RSRC1: variants seen among roughly 807,000 people sequenced by gnomAD.
RSRC1 encodes the protein serine/Arginine-related protein 53.
A neutral mutation model predicts 49.1 loss-of-function variants in RSRC1; 39 were observed. That is an observed-to-expected ratio of 0.79 (90% CI 0.61 to 1.04). The LOEUF is 1.04. Ranked by LOEUF, RSRC1 falls within the 50% of genes least tolerant of loss-of-function variation. RSRC1 has a pLI of 0.00. For synonymous variants in RSRC1, 143 were observed against 130.8 expected (o/e 1.09, Z -0.63); for missense variants, 388 against 402.4 (o/e 0.96, Z 0.31).
chr3:158,490,575 A>G (rs977269336), intron 7 of RSRC1, among the ~76,000 whole-genome samples: 1 of 152,300 alleles, frequency 6.6e-6, no homozygotes, highest in African/African-American at 2.4e-5. Flanking sequence ...TAGTAGTTAA[A>G]TTTTTAAAAG....
At chr3:158,515,798 C>T (rs1472601921) in intron 7 of RSRC1, among the ~76,000 whole-genome samples, 1 of 152,010 alleles carries the variant, frequency 6.6e-6, no homozygotes, top group Non-Finnish European at 1.5e-5. Flanking sequence ...TTGCTCGTTT[C>T]TTTTTATTCT....
intron 6 of RSRC1, among the ~76,000 whole-genome samples, chr3:158,389,826 A>T (rs1733169272): frequency 6.6e-6 from 1 of 152,202 alleles, no homozygotes; most frequent in South Asian, 2.1e-4. Flanking sequence ...GCAGTGCAGG[A>T]TATCTAGAAT....
At chr3:158,412,710 G>A (rs564211576) in intron 6 of RSRC1, among the ~76,000 whole-genome samples, 1 of 152,162 alleles carries the variant, frequency 6.6e-6, no homozygotes, top group Admixed American at 6.6e-5. Flanking sequence ...ACCCTGTCAT[G>A]GAGAGGCAGA....
chr3:158,382,441 C>T (rs1017430867), intron 6 of RSRC1, among the ~76,000 whole-genome samples: 1 of 152,160 alleles, frequency 6.6e-6, no homozygotes, highest in African/African-American at 2.4e-5. Flanking sequence ...GGTTTGTTTA[C>T]ACCAATATCA....
At chr3:158,378,383 G>A in intron 6 of RSRC1, among the ~76,000 whole-genome samples, 1 of 152,108 alleles carries the variant, frequency 6.6e-6, no homozygotes, top group East Asian at 1.9e-4. Context: ...ACTGGGTCCA[G>A]TTTTCCTTGT....
chr3:158,133,266 A>C (rs1473360721), intron 3 of RSRC1, among the ~76,000 whole-genome samples: 1 of 152,132 alleles, frequency 6.6e-6, no homozygotes, highest in East Asian at 1.9e-4. Context: ...TTCTATTTTT[A>C]TTTTATTCTT....
At chr3:158,521,067 A>G (rs1050695723) in intron 7 of RSRC1, among the ~76,000 whole-genome samples, 2 of 152,200 alleles carry the variant, frequency 1.3e-5, no homozygotes, top group African/African-American at 4.8e-5. Flanking sequence ...ATTTTGAGAC[A>G]TAACAGAATG....
intron 3 of RSRC1, among the ~76,000 whole-genome samples, chr3:158,148,127 G>A (rs962482789): frequency 6.6e-6 from 1 of 152,076 alleles, no homozygotes; most frequent in African/African-American, 2.4e-5. Context: ...TATTATCTGG[G>A]ATTATAAACC....
intron 6 of RSRC1, among the ~76,000 whole-genome samples, chr3:158,404,946 G>A (rs1371738139): frequency 6.6e-6 from 1 of 151,860 alleles, no homozygotes; most frequent in South Asian, 2.1e-4. Flanking sequence ...TTTTCAAGGA[G>A]TAAAGTCATT....
intron 6 of RSRC1, among the ~76,000 whole-genome samples, chr3:158,363,795 C>G (rs1731611950): frequency 1.3e-5 from 2 of 152,126 alleles, no homozygotes; most frequent in South Asian, 4.1e-4. Context: ...TTTTCCTTGA[C>G]TATGTAGAGT....
At chr3:158,382,390 C>G (rs183329437) in intron 6 of RSRC1, among the ~76,000 whole-genome samples, 17 of 152,246 alleles carry the variant, frequency 1.1e-4, no homozygotes, top group African/African-American at 3.9e-4. Context: ...GTAACACAGT[C>G]ATTTATTATG....
intron 4 of RSRC1, among the ~76,000 whole-genome samples, chr3:158,228,624 C>T (rs1275082442): frequency 2.0e-5 from 3 of 151,802 alleles, no homozygotes; most frequent in Non-Finnish European, 4.4e-5. Flanking sequence ...ATCAAACTAT[C>T]ATTAGATGAA....
At chr3:158,239,909 GT>G (rs1457511498) in intron 4 of RSRC1, among the ~76,000 whole-genome samples, 1 of 152,100 alleles carries the variant, frequency 6.6e-6, no homozygotes, top group Non-Finnish European at 1.5e-5. Flanking sequence ...CCATTTGAAT[GT>G]TTAGTGCTTG....
At chr3:158,410,055 T>G (rs1204391476) in intron 6 of RSRC1, among the ~76,000 whole-genome samples, 1 of 152,152 alleles carries the variant, frequency 6.6e-6, no homozygotes, top group African/African-American at 2.4e-5. Context: ...GTCTCATACA[T>G]TCAAACAAAA....
At chr3:158,345,607 CA>C (rs1730508496) in intron 5 of RSRC1, among the ~76,000 whole-genome samples, 1 of 151,690 alleles carries the variant, frequency 6.6e-6, no homozygotes, top group Non-Finnish European at 1.5e-5. Flanking sequence ...TTAGAAGAGC[CA>C]AAACTGCATT....
intron 7 of RSRC1, among the ~76,000 whole-genome samples, chr3:158,475,105 G>A (rs1738310556): frequency 1.3e-5 from 2 of 151,600 alleles, no homozygotes; most frequent in South Asian, 2.1e-4. Context: ...TTATTTTTTT[G>A]TAGACATGAG....
chr3:158,363,800 T>C (rs1731612461), intron 6 of RSRC1, among the ~76,000 whole-genome samples: 1 of 152,194 alleles, frequency 6.6e-6, no homozygotes. Context: ...CTTGACTATG[T>C]AGAGTGTTTA....
At chr3:158,523,545 A>G (rs571584319) in intron 7 of RSRC1, among the ~76,000 whole-genome samples, 1 of 152,080 alleles carries the variant, frequency 6.6e-6, no homozygotes, top group Non-Finnish European at 1.5e-5. Flanking sequence ...TTTTGTAAGC[A>G]ATGATACCAG....
At chr3:158,512,227 C>T (rs1004845546) in intron 7 of RSRC1, among the ~76,000 whole-genome samples, 20 of 145,762 alleles carry the variant, frequency 1.4e-4, no homozygotes, top group African/African-American at 5.0e-4. Context: ...AGGTTTTCTT[C>T]GAGGGTTTTT....
Sources: gnomAD v4.1 joint callset for allele counts (sites outside exome capture counted in the v4.1 genomes callset) on GRCh38, gnomAD v4.1.1 for gene constraint, MANE v1.5 for transcripts, NCBI Gene and HGNC (gene_info 2026-07-23, HGNC 2026-07-21) for gene names.